The following RMND1 variants were observed in gnomAD, a reference collection of about 807,000 sequenced individuals.
RMND1 encodes the protein required for meiotic nuclear division 1 homolog.
RMND1 carries 41 observed loss-of-function variants against 54.0 expected under a neutral mutation model. The ratio of observed to expected loss-of-function variants is 0.76; its 90% CI spans 0.59 to 0.98. The LOEUF (loss-of-function observed/expected upper bound fraction) is 0.98, where lower values mean the gene tolerates loss of function less well. Ranked by LOEUF, RMND1 falls within the 50% of genes least tolerant of loss-of-function variation. The pLI is 0.00. For missense variants in RMND1, 457 were observed against 532.0 expected (o/e 0.86, Z 1.39); for synonymous variants, 183 against 181.7 (o/e 1.01, Z -0.06).
At chr6:151,406,076 A>G (rs1327641205) in intron 10 of RMND1, among the ~76,000 whole-genome samples, 2 of 152,250 alleles carry the variant, frequency 1.3e-5, no homozygotes, top group Non-Finnish European at 2.9e-5. Flanking sequence ...TGGAAGAACT[A>G]AAAATAGGTT....
intron 11 of RMND1, 56 bp downstream of exon 11, chr6:151,405,664 C>G: frequency 1.2e-6 from 1 of 844,102 alleles, no homozygotes; most frequent in Non-Finnish European, 2.0e-6. Flanking sequence ...TTAGCATAGC[C>G]CCTGTATTTG....
chr6:151,436,680 A>C, intron 2 of RMND1, 126 bp from the exon 3 acceptor site: 37 of 799,168 alleles, frequency 4.6e-5, no homozygotes, highest in East Asian at 8.0e-5. Flanking sequence ...AAACATCTCC[A>C]AGGGTGATAC....
At chr6:151,442,666 A>C (rs1780815405) in intron 2 of RMND1, among the ~76,000 whole-genome samples, 1 of 149,574 alleles carries the variant, frequency 6.7e-6, no homozygotes, top group South Asian at 2.1e-4. Flanking sequence ...AGTAGCTAGG[A>C]CTACAGCTGC....
At chr6:151,405,576 A>C in intron 11 of RMND1, 144 bp downstream of exon 11, 1 of 611,642 alleles carries the variant, frequency 1.6e-6, no homozygotes, top group South Asian at 2.1e-5. Flanking sequence ...TAGTAATTTG[A>C]AACTTCCAAA....
At chr6:151,408,473 AAAG>A (rs887937029) in intron 10 of RMND1, among the ~76,000 whole-genome samples, 4 of 152,148 alleles carry the variant, frequency 2.6e-5, no homozygotes, top group Non-Finnish European at 5.9e-5. Context: ...TCTCAGAAAA[AAAG>A]AAGTTAGTAC....
At chr6:151,423,692 GAA>G in intron 6 of RMND1, 61 bp from the exon 7 acceptor site, 1 of 1,107,148 alleles carries the variant, frequency 9.0e-7, no homozygotes, top group South Asian at 1.3e-5. Flanking sequence ...CTTTTCCTTT[GAA>G]AAAGACACCA....
At chr6:151,417,072 T>C (rs572318581) in intron 10 of RMND1, 1 of 431,642 alleles carries the variant, frequency 2.3e-6, no homozygotes, top group African/African-American at 2.0e-5. Context: ...TCTCATCTTA[T>C]TCACCAACCT....
chr6:151,447,625 G>A (rs1388664236), intron 1 of RMND1, among the ~76,000 whole-genome samples: 4 of 152,158 alleles, frequency 2.6e-5, no homozygotes, highest in African/African-American at 7.2e-5. Context: ...GGTAGAACCT[G>A]CTGCTTCCAA....
At chr6:151,435,365 C>T (rs540517138) in intron 3 of RMND1, among the ~76,000 whole-genome samples, 2 of 151,892 alleles carry the variant, frequency 1.3e-5, no homozygotes, top group East Asian at 1.9e-4. Flanking sequence ...AGGCTGGTCT[C>T]GAACTCCTGA....
intron 5 of RMND1, among the ~76,000 whole-genome samples, chr6:151,429,187 C>T (rs148068497): frequency 0.015 from 2,297 of 151,144 alleles, 49 homozygotes; most frequent in African/African-American, 0.05. Flanking sequence ...AATGGTCTGA[C>T]CTTGGCTCAC....
intron 10 of RMND1, among the ~76,000 whole-genome samples, chr6:151,410,078 G>A (rs1397148524): frequency 3.4e-5 from 5 of 146,702 alleles, no homozygotes; most frequent in East Asian, 4.0e-4. Flanking sequence ...TTTTTGAGGC[G>A]GAGTCTTGCT....
At chr6:151,405,938 C>A (rs1046729712) in intron 10 of RMND1, 102 bp from the exon 11 acceptor site, 1 of 574,104 alleles carries the variant, frequency 1.7e-6, no homozygotes, top group Non-Finnish European at 3.1e-6. Flanking sequence ...CTCCTCAGTC[C>A]TCTCCCCAAA....
chr6:151,433,573 CTTCT>C (rs1025957789), intron 3 of RMND1, among the ~76,000 whole-genome samples: 35 of 152,246 alleles, frequency 2.3e-4, no homozygotes, highest in African/African-American at 8.2e-4. Context: ...AAGAATTAAA[CTTCT>C]TTCTACAAAA....
chr6:151,438,572 T>C (rs1404152294), intron 2 of RMND1, among the ~76,000 whole-genome samples: 1 of 152,176 alleles, frequency 6.6e-6, no homozygotes, highest in East Asian at 1.9e-4. Flanking sequence ...GTTTCTAAAA[T>C]TCAAATTGAC....
intron 1 of RMND1, among the ~76,000 whole-genome samples, chr6:151,451,709 T>G (rs767777933): frequency 6.6e-6 from 1 of 152,208 alleles, no homozygotes; most frequent in Non-Finnish European, 1.5e-5. Flanking sequence ...AGAAAATCGA[T>G]TACAGCTAGG....
intron 6 of RMND1, among the ~76,000 whole-genome samples, chr6:151,424,665 A>G (rs968346603): frequency 7.2e-5 from 11 of 152,190 alleles, no homozygotes; most frequent in African/African-American, 2.7e-4. Context: ...TATGGAGTGT[A>G]ATCTAAAATC....
At chr6:151,435,716 G>A (rs1040412318) in intron 3 of RMND1, among the ~76,000 whole-genome samples, 16 of 150,196 alleles carry the variant, frequency 1.1e-4, no homozygotes, top group African/African-American at 1.7e-4. Context: ...TACTGCACCC[G>A]GCTAACTAAT....
At chr6:151,447,353 A>G (rs1016432294) in intron 1 of RMND1, among the ~76,000 whole-genome samples, 2 of 152,352 alleles carry the variant, frequency 1.3e-5, no homozygotes, top group East Asian at 3.9e-4. Context: ...GATATGTAGG[A>G]GGAAACAAGA....
chr6:151,409,191 G>A (rs1779725052), intron 10 of RMND1, among the ~76,000 whole-genome samples: 1 of 152,202 alleles, frequency 6.6e-6, no homozygotes, highest in South Asian at 2.1e-4. Flanking sequence ...GAAGATGAGG[G>A]GCTGTGTGGA....
Sources: gnomAD v4.1 joint callset for allele counts (sites outside exome capture counted in the v4.1 genomes callset) on GRCh38, gnomAD v4.1.1 for gene constraint, MANE v1.5 for transcripts, NCBI Gene and HGNC (gene_info 2026-07-23, HGNC 2026-07-21) for gene names.